SHANK1: variants seen among roughly 807,000 people sequenced by gnomAD.
SHANK1 encodes the protein SH3 and multiple ankyrin repeat domains protein 1.
In SHANK1, 35 loss-of-function variants were observed where a neutral mutation model predicts 165.6. The ratio of observed to expected loss-of-function variants is 0.21; its 90% confidence interval spans 0.16 to 0.28. SHANK1 has a LOEUF of 0.28. Ranked by LOEUF, SHANK1 falls within the 10% of genes least tolerant of loss-of-function variation. The pLI, the probability that SHANK1 is intolerant of heterozygous loss-of-function variation, is 1.00. For missense variants in SHANK1, 2,681 were observed against 3,036.4 expected, an observed-to-expected ratio of 0.88 and a Z score of 2.75; for synonymous variants, 1,428 against 1,384.8, an observed-to-expected ratio of 1.03 and a Z score of -0.69.
In SHANK1 at chr19:50,709,376, A is replaced by G. The variant is rs567392182; in HGVS notation, c.1077+1995T>C. ...CAGGATGGTCTCAATCTCCTGACCT[A>G]GTGATCCGCCCGCCTCGGCCTCCCA... On this transcript the variant is annotated intron_variant, in intron 8 of 23. Transcript: ENST00000293441. Among the ~76,000 whole-genome samples, 17 of 151,932 alleles carry G rather than the reference A, an allele frequency of 1.1e-4. 3 individuals are homozygous for G. The highest frequency in any genetic ancestry group is 1.1e-3 in the Admixed American group (17 of 15,246).
In SHANK1 at chr19:50,697,665, C is replaced by G; in HGVS notation, c.1862-1G>C. On this transcript the variant is annotated splice_acceptor_variant, in intron 13 of 23. Transcript: ENST00000293441. LOFTEE classifies it high-confidence loss of function. The surrounding 1 kb of genome is among the most constrained non-coding windows in gnomAD (Gnocchi z 4.7). ...CTCTTTGCCTTGTCACTGCGGCTTT[C>G]TGCAGGGTGACAACAGACAACCTTG... 1 of 1,613,822 alleles carries G rather than the reference C, an allele frequency of 6.2e-7. No homozygotes were observed. Among genetic ancestry groups the G allele is most frequent in the Admixed American group, 1.7e-5 (1 of 60,012 alleles).
intron 19 of SHANK1, 89 bp downstream of exon 19, chr19:50,687,493 A>G (rs1686127791): frequency 9.9e-7 from 1 of 1,007,310 alleles, no homozygotes; most frequent in Non-Finnish European, 1.4e-6. Flanking sequence ...ACCCCTGGTC[A>G]CTAACAACAC....
intron 23 of SHANK1, among the ~76,000 whole-genome samples, chr19:50,663,438 GC>G (rs988778419): frequency 3.4e-4 from 52 of 152,248 alleles, no homozygotes; most frequent in African/African-American, 1.2e-3. Flanking sequence ...CTTGCCCTGG[GC>G]AGCTGCTCCC....
intron 12 of SHANK1, among the ~76,000 whole-genome samples, chr19:50,699,921 G>C (rs1351619756): frequency 6.4e-5 from 9 of 140,822 alleles, no homozygotes; most frequent in African/African-American, 2.4e-4. Flanking sequence ...AGGGCTCGGG[G>C]CATTGGAGGA....
chr19:50,715,801 G>T (rs1411771953), intron 3 of SHANK1, 71 bp from the exon 4 acceptor site: 1 of 1,414,596 alleles, frequency 7.1e-7, no homozygotes, highest in Non-Finnish European at 1.0e-6. Context: ...GAAGGCTTGG[G>T]GTAGGGGAAG....
rs558942714 is a variant in SHANK1 at position 50,716,798 on chromosome 19, C to T, written c.122G>A (p.Arg41Gln). 26 of 1,593,656 alleles carry T rather than the reference C, an allele frequency of 1.6e-5. No homozygotes were observed. Among genetic ancestry groups the T allele is most frequent in the African/African-American group, 4.1e-5 (3 of 73,774 alleles). The change falls in exon 2 of 24, where the codon CGG becomes CAG. Residue 41 changes from arginine (R) to glutamine (Q), a missense_variant. This residue lies in a region of SHANK1 where 118 missense variants were observed against 106.9 expected (regional missense o/e 1.10). Transcript: ENST00000293441. The surrounding 1 kb of genome is among the most constrained non-coding windows in gnomAD (Gnocchi z 8.4). The part of the protein sequence containing the change: ...DGPGRGPRGT[R>Q]GQGSGAPGSL... ...ACCAGGTGCCCCACTGCCCTGGCCC[C>T]GGGTCCCCCGGGGGCCTCGACCTGG...
chr19:50,697,234 GAC>G lies in SHANK1; in HGVS notation c.1938-114_1938-113del, dbSNP rs1986770973. 1 of 1,457,872 alleles carries G rather than the reference GAC, an allele frequency of 6.9e-7. No individual in the cohort carries two copies. Among genetic ancestry groups the G allele is most frequent in the Admixed American group, 1.7e-5 (1 of 59,410 alleles). 90.3% of individuals were successfully genotyped at this position (1,457,872 alleles called of 1,614,324 possible). ...GCACCCTCCCCACACCGGTGCATGG[GAC>G]ACACACATTCCCACTGCACATGACT... On this transcript the variant is annotated intron_variant, in intron 14 of 23. Transcript: ENST00000293441. This position sits in a 1 kb window ranked among gnomAD's most constrained non-coding sequence, Gnocchi z 4.7.
chr19:50,668,720 C>T lies in SHANK1; in HGVS notation c.3240G>A (p.Pro1080=), dbSNP rs1411688079. The T allele has an allele frequency of 7.8e-6, 10 of 1,281,116 alleles. No individual in the cohort carries two copies. The highest frequency in any genetic ancestry group is 9.8e-6 in the Non-Finnish European group (10 of 1,021,542). 79.4% of individuals were successfully genotyped at this position (1,281,116 alleles called of 1,614,324 possible). A position where few individuals can be genotyped will look rare whatever the true frequency, so the allele number is the denominator to read the frequency against. The change falls in exon 23 of 24, where the codon CCG becomes CCA. Residue 1080 remains proline (P), a synonymous_variant. Coordinates refer to ENST00000293441, the MANE Select transcript of SHANK1 (RefSeq NM_016148.5). The part of the protein sequence containing the change: ...AGGGGGSSQG[P]ALRYFQLPPR... ...GGGGCAGCTGGAAATAGCGTAGAGC[C>T]GGGCCCTGGGAGGAGCCGCCGCCCC...
Position 50,719,701 on chromosome 19 carries a change from C to A in SHANK1, c.-339G>T, listed in dbSNP as rs1354037423. 1.3e-5 allele frequency among the ~76,000 whole-genome samples: 2 copies of A among 150,106 alleles called. No homozygotes were observed. The highest frequency in any genetic ancestry group is 4.9e-5 in the African/African-American group (2 of 41,076). On this transcript the variant is annotated 5_prime_UTR_variant, in exon 1 of 24. Transcript: ENST00000293441. ...GTCCGGCCGGCTCCGGGCGCCGCGT[C>A]TCCGCCTGCTCTTCCTCCTCCTCTT...
In SHANK1 at chr19:50,690,404, C is replaced by T. The variant is rs1471529981; in HGVS notation, c.1965-1125G>A. Among the ~76,000 whole-genome samples, 1 of 152,088 alleles carries T rather than the reference C, an allele frequency of 6.6e-6. No individual in the cohort carries two copies. The highest frequency in any genetic ancestry group is 1.5e-5 in the Non-Finnish European group (1 of 68,000). On this transcript the variant is annotated intron_variant, in intron 15 of 23. Transcript: ENST00000293441. The surrounding 1 kb of genome is among the most constrained non-coding windows in gnomAD (Gnocchi z 4.9). ...TCCATTCCATTCCCAGAGGATCCGA[C>T]ACCCCAGTCTACATCAGGAATACTC...
At position 50,667,772 on chromosome 19, in the gene SHANK1, C is replaced by A. The variant is rs1985602506; in HGVS notation, c.4188G>T (p.Ser1396=). Residue 1396 remains serine, a synonymous_variant, in exon 23 of 24, where the codon TCG becomes TCT. Transcript: ENST00000293441. The surrounding 1 kb of genome is among the most constrained non-coding windows in gnomAD (Gnocchi z 5.7). The part of the protein sequence containing the change: ...EAPPPTPHHH[S]PHAHHEPVLR... ...GCACTGGCTCGTGGTGGGCGTGGGG[C>A]GAGTGGTGGTGCGGGGTGGGCGGCG... 6.9e-6 allele frequency: 7 copies of A among 1,015,912 alleles called. No individual in the cohort carries two copies. The highest frequency in any genetic ancestry group is 8.3e-6 in the Non-Finnish European group (7 of 848,062). The allele number at this position is 1,015,912 out of a possible 1,614,324, so 62.9% of individuals were successfully genotyped here.
Position 50,702,857 on chromosome 19 carries a change from C to T in SHANK1, c.1554-197G>A, listed in dbSNP as rs1188405863. Among the ~76,000 whole-genome samples the T allele has an allele frequency of 6.6e-6, 1 of 152,104 alleles. No individual in the cohort carries two copies. The highest frequency in any genetic ancestry group is 1.5e-5 in the Non-Finnish European group (1 of 67,998). On this transcript the variant is annotated intron_variant, in intron 11 of 23. Transcript: ENST00000293441. The surrounding 1 kb of genome is among the most constrained non-coding windows in gnomAD (Gnocchi z 5.3). ...GCAGCTGCCCCAACCAGCCCCCTCT[C>T]CTGCCTCCTGGCTTCCGGCTCTGCC...
chr19:50,666,108 T>C (rs1349886046), intron 23 of SHANK1, 84 bp downstream of exon 23: 2 of 1,343,856 alleles, frequency 1.5e-6, no homozygotes, highest in Non-Finnish European at 2.0e-6. Context: ...TCTGTTTCCT[T>C]TCTGCCACCC....
At chr19:50,703,312 CAT>C (rs772899265) in intron 11 of SHANK1, among the ~76,000 whole-genome samples, 186 bp downstream of exon 11, 44 of 152,294 alleles carry the variant, frequency 2.9e-4, no homozygotes, top group African/African-American at 4.1e-4. Flanking sequence ...ATCCAGCTAA[CAT>C]GTGGTGCACC....
rs931426621 is a variant in SHANK1 at position 50,689,477 on chromosome 19, GCT to G, written c.1965-200_1965-199del. 3.2e-5 allele frequency: 22 copies of G among 694,392 alleles called. 1 individual carries two copies. The highest frequency in any genetic ancestry group is 6.2e-5 in the South Asian group (4 of 64,538). 43.0% of individuals were successfully genotyped at this position (694,392 alleles called of 1,614,324 possible). On this transcript the variant is annotated intron_variant, in intron 15 of 23. Transcript: ENST00000293441. ...TGGGCTTCCCCCTCAGAGCCGGCAT[GCT>G]CTCTCTCTCACTCCCTCTCTCCTCA...
In SHANK1 at chr19:50,702,110, G is replaced by A. The variant is rs1258174477; in HGVS notation, c.1747+357C>T. Among the ~76,000 whole-genome samples, 2 of 151,838 alleles carry A rather than the reference G, an allele frequency of 1.3e-5. No homozygotes were observed. The highest frequency in any genetic ancestry group is 2.9e-5 in the Non-Finnish European group (2 of 68,002). ...TTGGACTGAGGACCTTGGGCAAGTG[G>A]CTTCACCTGTGTGAGGTTCTGTTCC... On this transcript the variant is annotated intron_variant, in intron 12 of 23. Transcript: ENST00000293441. This position sits in a 1 kb window ranked among gnomAD's most constrained non-coding sequence, Gnocchi z 5.3.
intron 21 of SHANK1, among the ~76,000 whole-genome samples, chr19:50,679,488 C>A (rs1307317293): frequency 6.6e-6 from 1 of 152,128 alleles, no homozygotes; most frequent in Non-Finnish European, 1.5e-5. Flanking sequence ...CCAGGGAGCA[C>A]CTGAACTCCA....
Position 50,660,269 on chromosome 19 carries a change from G to A in SHANK1, c.*1696C>T, listed in dbSNP as rs1054648680. Among the ~76,000 whole-genome samples, 4 of 152,140 alleles carry A rather than the reference G, an allele frequency of 2.6e-5. No homozygotes were observed. Among genetic ancestry groups the A allele is most frequent in the Non-Finnish European group, 5.9e-5 (4 of 68,010 alleles). ...AAGGAACAGCCATGCTGGAGGGAGA[G>A]GGAGCTTCTTGGAGTGGACAGGTTA... On this transcript the variant is annotated 3_prime_UTR_variant, in exon 24 of 24. Transcript: ENST00000293441.
rs372230734 is a variant in SHANK1 at position 50,686,828 on chromosome 19, A to G, written c.2390-16T>C. The stretch of plus-strand genomic sequence containing the variant: ...TGCTCGTACTCTGTGGGCAAAGAAC[A>G]CGGATGACGCCCAGGGAGCCCCCGG... On this transcript the variant is annotated splice_polypyrimidine_tract_variant and intron_variant, in intron 19 of 23. Transcript: ENST00000293441. The surrounding 1 kb of genome is among the most constrained non-coding windows in gnomAD (Gnocchi z 5.7). The G allele has an allele frequency of 1.2e-6, 2 of 1,613,104 alleles. No individual in the cohort carries two copies. Among genetic ancestry groups the G allele is most frequent in the Non-Finnish European group, 1.7e-6 (2 of 1,179,470 alleles).
Sources: gnomAD v4.1 joint callset for allele counts (sites outside exome capture counted in the v4.1 genomes callset) on GRCh38, gnomAD v4.1.1 for gene constraint, gnomAD v4.1.1 regional missense constraint, Gnocchi (gnomAD v3.1) non-coding constraint, MANE v1.5 for transcripts, NCBI Gene and HGNC (gene_info 2026-07-23, HGNC 2026-07-21) for gene names.